The following PDK1 variants were observed in gnomAD, a reference collection of about 807,000 sequenced individuals.
PDK1 encodes [Pyruvate dehydrogenase (acetyl-transferring)] kinase isozyme 1, mitochondrial.
PDK1 carries 39 observed loss-of-function variants against 54.2 expected under a neutral mutation model. The observed-to-expected ratio is 0.72, with a 90% CI of 0.56 to 0.94. PDK1 has a LOEUF of 0.94. Ranked by LOEUF, PDK1 falls within the 40% of genes least tolerant of loss-of-function variation. PDK1 has a pLI of 0.00. For synonymous variants in PDK1, 221 were observed against 207.1 expected, an observed-to-expected ratio of 1.07 and a Z score of -0.58; for missense variants, 552 against 566.0, an observed-to-expected ratio of 0.98 and a Z score of 0.25.
chr2:172,621,770 T>TATATGTTTATATCTCATATGTATG, the PDK1 span, among the ~76,000 whole-genome samples: 1 of 148,194 alleles, frequency 6.7e-6, no homozygotes, highest in Admixed American at 6.8e-5. Context: ...ATATATGTCA[T>TATATGTTTATATCTCATATGTATG]ATATGTTTAT....
At chr2:172,621,613 CAT>C in the PDK1 span, among the ~76,000 whole-genome samples, 56 of 144,628 alleles carry the variant, frequency 3.9e-4, no homozygotes, top group Admixed American at 5.6e-4. Context: ...GTTTATATAT[CAT>C]ATATGTTTAT....
intron 8 of PDK1, among the ~76,000 whole-genome samples, chr2:172,577,471 T>A (rs2149252032): frequency 6.6e-6 from 1 of 152,142 alleles, no homozygotes; most frequent in East Asian, 1.9e-4. Flanking sequence ...TTTTGGTTTA[T>A]GTTTGCCGTT....
chr2:172,644,679 T>G, the PDK1 span, among the ~76,000 whole-genome samples: 1 of 152,354 alleles, frequency 6.6e-6, no homozygotes, highest in East Asian at 1.9e-4. Context: ...CAACTTGAAC[T>G]TGAGAAAGTC....
At chr2:172,588,494 T>C (rs984081414) in intron 9 of PDK1, among the ~76,000 whole-genome samples, 6 of 152,250 alleles carry the variant, frequency 3.9e-5, no homozygotes, top group South Asian at 2.1e-4. Flanking sequence ...GCCTGGCTCA[T>C]GGTAAATGCC....
At chr2:172,665,912 AAC>A in the PDK1 span, among the ~76,000 whole-genome samples, 1 of 152,186 alleles carries the variant, frequency 6.6e-6, no homozygotes, top group African/African-American at 2.4e-5. Flanking sequence ...ACTCAGACAT[AAC>A]ACCTGGAGAA....
At chr2:172,675,804 T>C in the PDK1 span, among the ~76,000 whole-genome samples, 1 of 152,210 alleles carries the variant, frequency 6.6e-6, no homozygotes, top group African/African-American at 2.4e-5. Flanking sequence ...CAGCCTTCTA[T>C]TGGAAGAAGA....
At chr2:172,699,760 ATTT>A in the PDK1 span, among the ~76,000 whole-genome samples, 1 of 122,238 alleles carries the variant, frequency 8.2e-6, no homozygotes, top group Admixed American at 8.7e-5. Flanking sequence ...TTTTATTATT[ATTT>A]TTTTTTTAGT....
the PDK1 span, among the ~76,000 whole-genome samples, chr2:172,646,735 C>CTTTTTTTTTTTTT: frequency 0.32 from 22,299 of 70,250 alleles, 5,752 homozygotes; most frequent in Non-Finnish European, 0.42. Context: ...CTTGCATTTC[C>CTTTTTTTTTTTTT]TTTTTTTTTT....
At chr2:172,708,480 T>G in the PDK1 span, among the ~76,000 whole-genome samples, 1 of 152,148 alleles carries the variant, frequency 6.6e-6, no homozygotes, top group Non-Finnish European at 1.5e-5. Flanking sequence ...TTAAGAGAGT[T>G]AAATCATCAA....
chr2:172,571,566 T>C (rs1473423206), intron 8 of PDK1, among the ~76,000 whole-genome samples: 1 of 152,066 alleles, frequency 6.6e-6, no homozygotes, highest in East Asian at 1.9e-4. Context: ...AGACTAGGTC[T>C]CACTTTGTTG....
chr2:172,643,173 G>A, the PDK1 span, among the ~76,000 whole-genome samples: 3 of 152,192 alleles, frequency 2.0e-5, no homozygotes, highest in Non-Finnish European at 2.9e-5. Flanking sequence ...TAGCCAAATG[G>A]TGTTACTGCA....
chr2:172,579,210 C>T (rs1029719281), intron 8 of PDK1, among the ~76,000 whole-genome samples: 1 of 152,088 alleles, frequency 6.6e-6, no homozygotes, highest in Non-Finnish European at 1.5e-5. Flanking sequence ...TAATCAGTTA[C>T]TTCTAATTGT....
At chr2:172,569,169 T>C (rs1689119079) in intron 7 of PDK1, among the ~76,000 whole-genome samples, 1 of 152,222 alleles carries the variant, frequency 6.6e-6, no homozygotes, top group African/African-American at 2.4e-5. Flanking sequence ...ATACTAAGTG[T>C]CCAGTACAGT....
In PDK1 at chr2:172,601,388, C is replaced by A. The variant is rs746255371; in HGVS notation, c.*5419C>A. ...GGCTTTCTGTCCCCACCGCACAAAT[C>A]TCATCTTGAATTATAATCTCAACAT... On this transcript the variant is annotated 3_prime_UTR_variant, in exon 11 of 11. Transcript: ENST00000282077. 1 of 152,174 alleles carries A rather than the reference C, an allele frequency of 6.6e-6. No homozygotes were observed. The allele number at this position is 152,174 out of a possible 1,614,324, so 9.4% of individuals were successfully genotyped here. A position where few individuals can be genotyped will look rare whatever the true frequency, so the allele number is the denominator to read the frequency against.
the PDK1 span, among the ~76,000 whole-genome samples, chr2:172,628,530 C>T: frequency 6.6e-6 from 1 of 152,152 alleles, no homozygotes; most frequent in Non-Finnish European, 1.5e-5. Flanking sequence ...AGGTACCAGG[C>T]AAGAGTAATG....
the PDK1 span, among the ~76,000 whole-genome samples, chr2:172,693,273 C>T: frequency 6.6e-6 from 1 of 152,258 alleles, no homozygotes; most frequent in African/African-American, 2.4e-5. Flanking sequence ...GCCATTGGCT[C>T]ATAAAATCAT....
At chr2:172,582,912 A>C (rs1202211320) in intron 8 of PDK1, among the ~76,000 whole-genome samples, 2 of 152,190 alleles carry the variant, frequency 1.3e-5, no homozygotes, top group African/African-American at 2.4e-5. Flanking sequence ...CTGTCTGCTT[A>C]TCCCCTCTTA....
At chr2:172,721,176 G>A in the PDK1 span, among the ~76,000 whole-genome samples, 8 of 152,178 alleles carry the variant, frequency 5.3e-5, no homozygotes, top group South Asian at 2.1e-4. Flanking sequence ...TCTTAGAGAC[G>A]CCTTGGATTT....
chr2:172,669,969 T>C, the PDK1 span, among the ~76,000 whole-genome samples: 1 of 152,246 alleles, frequency 6.6e-6, no homozygotes, highest in South Asian at 2.1e-4. Context: ...TGCTCTATTG[T>C]TTCTTTTGTT....
Sources: allele counts gnomAD v4.1 joint callset (sites outside exome capture counted in the v4.1 genomes callset), GRCh38; gene constraint gnomAD v4.1.1; transcripts MANE v1.5; gene names NCBI Gene and HGNC (gene_info 2026-07-23, HGNC 2026-07-21).